The following LHFPL3 variants were observed in gnomAD, a reference collection of about 807,000 sequenced individuals.
LHFPL3 encodes LHFPL tetraspan subfamily member 3 protein.
Under a neutral mutation model 19.3 loss-of-function variants are expected in LHFPL3, and 5 were observed. That is an observed-to-expected ratio of 0.26 (90% confidence interval 0.14 to 0.54). The LOEUF (loss-of-function observed/expected upper bound fraction) is 0.54. Among genes scored for constraint, LHFPL3 ranks in the 20% least tolerant of loss-of-function variants. LHFPL3 has a pLI of 0.94. For synonymous variants in LHFPL3, 133 were observed against 126.2 expected (o/e 1.05, Z -0.36); for missense variants, 249 against 307.4 (o/e 0.81, Z 1.42).
intron 1 of LHFPL3, among the ~76,000 whole-genome samples, chr7:104,586,058 A>C (rs1790570022): frequency 6.6e-6 from 1 of 152,112 alleles, no homozygotes; most frequent in South Asian, 2.1e-4. Context: ...GTTGAGAATT[A>C]CGTGAAAAAT....
At chr7:104,761,414 A>C (rs1232087309) in intron 2 of LHFPL3, among the ~76,000 whole-genome samples, 1 of 152,094 alleles carries the variant, frequency 6.6e-6, no homozygotes, top group East Asian at 1.9e-4. Context: ...TTACAAAGAC[A>C]TGTTTTGAGC....
intron 1 of LHFPL3, among the ~76,000 whole-genome samples, chr7:104,583,973 A>T (rs1462634409): frequency 6.6e-6 from 1 of 152,122 alleles, no homozygotes; most frequent in East Asian, 1.9e-4. Context: ...TACCCAAAGG[A>T]TTATAAATCA....
intron 1 of LHFPL3, among the ~76,000 whole-genome samples, chr7:104,570,929 A>T (rs73409787): frequency 0.066 from 10,047 of 152,148 alleles, 506 homozygotes; most frequent in African/African-American, 0.15. Context: ...CCATCTAATA[A>T]TCATTCTGGA....
chr7:104,880,152 T>G (rs1792019089), intron 2 of LHFPL3, among the ~76,000 whole-genome samples: 1 of 152,076 alleles, frequency 6.6e-6, no homozygotes. Flanking sequence ...GGGGCCTTAG[T>G]GGGAGGTGTT....
chr7:104,595,737 G>A (rs377139094), intron 1 of LHFPL3, among the ~76,000 whole-genome samples: 13 of 152,246 alleles, frequency 8.5e-5, no homozygotes, highest in South Asian at 4.1e-4. Flanking sequence ...CTTCTTGGCC[G>A]CTTTGTTTAC....
chr7:104,865,565 T>C (rs1031436193), intron 2 of LHFPL3, among the ~76,000 whole-genome samples: 4 of 152,208 alleles, frequency 2.6e-5, no homozygotes, highest in South Asian at 2.1e-4. Flanking sequence ...CCAAGAAATA[T>C]AGGACTGTGT....
At chr7:104,367,049 A>C (rs1049747582) in intron 1 of LHFPL3, among the ~76,000 whole-genome samples, 3 of 152,204 alleles carry the variant, frequency 2.0e-5, no homozygotes, top group African/African-American at 7.2e-5. Context: ...AATGTAGTAA[A>C]GTCCGGACTG....
At chr7:104,411,662 G>T (rs1020313670) in intron 1 of LHFPL3, among the ~76,000 whole-genome samples, 2 of 152,048 alleles carry the variant, frequency 1.3e-5, no homozygotes, top group African/African-American at 4.8e-5. Flanking sequence ...GTGTTTGTAG[G>T]TTTATTCTAA....
chr7:104,796,886 G>A (rs1790144937), intron 2 of LHFPL3: 1 of 152,678 alleles, frequency 6.5e-6, no homozygotes, highest in Non-Finnish European at 1.5e-5. Context: ...TGGTCAGAAA[G>A]TGGATGCCTA....
rs1055272324 is a variant in LHFPL3 at position 104,880,457 on chromosome 7, C to T, written c.683-25730C>T. 7.9e-5 allele frequency among the ~76,000 whole-genome samples: 12 copies of T among 152,178 alleles called. 1 individual carries two copies. The highest frequency in any genetic ancestry group is 2.9e-4 in the African/African-American group (12 of 41,526). On this transcript the variant is annotated intron_variant, in intron 2 of 2. Transcript: ENST00000424859. Reference sequence around the variant, plus strand: ...TGCCTCAGTTACTCCTTTATAGCAACACAAACGGAATAATACAGGGGCTGA... The same window carrying T: ...TGCCTCAGTTACTCCTTTATAGCAATACAAACGGAATAATACAGGGGCTGA...
intron 1 of LHFPL3, among the ~76,000 whole-genome samples, chr7:104,680,518 A>G (rs1331731124): frequency 6.6e-6 from 1 of 152,086 alleles, no homozygotes. Context: ...ATATCTCCCT[A>G]TCAAGCCCTA....
chr7:104,615,772 G>A (rs568520339), intron 1 of LHFPL3, among the ~76,000 whole-genome samples: 58 of 151,806 alleles, frequency 3.8e-4, no homozygotes, highest in African/African-American at 1.2e-3. Flanking sequence ...GAGAACATGC[G>A]GTGTTTGGTT....
intron 2 of LHFPL3, among the ~76,000 whole-genome samples, chr7:104,865,973 C>G (rs538852921): frequency 6.6e-6 from 1 of 152,170 alleles, no homozygotes; most frequent in Non-Finnish European, 1.5e-5. Context: ...TCCAGCCAAA[C>G]CAAGCTTCAT....
intron 1 of LHFPL3, among the ~76,000 whole-genome samples, chr7:104,474,393 G>A (rs376712342): frequency 5.8e-4 from 88 of 151,846 alleles, no homozygotes; most frequent in African/African-American, 1.9e-3. Flanking sequence ...GGCCGGGTGC[G>A]GTGTCTCACG....
intron 2 of LHFPL3, among the ~76,000 whole-genome samples, chr7:104,864,797 A>G (rs1791689125): frequency 6.6e-6 from 1 of 152,208 alleles, no homozygotes; most frequent in African/African-American, 2.4e-5. Flanking sequence ...CTGCCTCCTC[A>G]AGTGGGTCCC....
At chr7:104,868,138 A>C (rs893889559) in intron 2 of LHFPL3, among the ~76,000 whole-genome samples, 16 of 152,208 alleles carry the variant, frequency 1.1e-4, no homozygotes, top group African/African-American at 2.4e-4. Context: ...AATGGGCAAA[A>C]ACGGGAAGCA....
chr7:104,416,133 A>G (rs928727167), intron 1 of LHFPL3, among the ~76,000 whole-genome samples: 2 of 152,210 alleles, frequency 1.3e-5, no homozygotes, highest in Non-Finnish European at 2.9e-5. Context: ...CAGTATTCTT[A>G]TAAGAAGTCA....
At chr7:104,650,763 G>C (rs568676722) in intron 1 of LHFPL3, among the ~76,000 whole-genome samples, 1 of 152,302 alleles carries the variant, frequency 6.6e-6, no homozygotes, top group South Asian at 2.1e-4. Context: ...GCTGTCCTAG[G>C]CACTGTGGGG....
chr7:104,368,745 G>A (rs1790548027), intron 1 of LHFPL3, among the ~76,000 whole-genome samples: 1 of 133,416 alleles, frequency 7.5e-6, no homozygotes, highest in African/African-American at 2.9e-5. Context: ...TTTCCATGTG[G>A]ATAACTTCTT....
Sources: allele counts gnomAD v4.1 joint callset (sites outside exome capture counted in the v4.1 genomes callset), GRCh38; gene constraint gnomAD v4.1.1; transcripts MANE v1.5; gene names NCBI Gene and HGNC (gene_info 2026-07-23, HGNC 2026-07-21).